The following EYS variants were observed in gnomAD, a reference collection of about 807,000 sequenced individuals.
EYS encodes the protein protein eyes shut homolog.
In EYS, 250 loss-of-function variants were observed where a neutral mutation model predicts 282.1. That is an observed-to-expected ratio of 0.89 (90% CI 0.80 to 0.98). The LOEUF (loss-of-function observed/expected upper bound fraction) is 0.98, where lower values mean the gene tolerates loss of function less well. Among genes scored for constraint, EYS ranks in the 50% least tolerant of loss-of-function variants. EYS has a pLI of 0.00. For synonymous variants in EYS, 1,355 were observed against 1,282.9 expected (o/e 1.06, Z -1.20); for missense variants, 4,016 against 3,709.0 (o/e 1.08, Z -2.15).
intron 41 of EYS, chr6:63,742,091 C>A: frequency 1.5e-6 from 1 of 651,138 alleles, no homozygotes; most frequent in Non-Finnish European, 2.8e-6. Flanking sequence ...CTCTTTAACT[C>A]TTCACTTGTA....
At chr6:65,263,812 G>A (rs1029785056) in intron 12 of EYS, among the ~76,000 whole-genome samples, 11 of 151,140 alleles carry the variant, frequency 7.3e-5, no homozygotes, top group African/African-American at 1.7e-4. Flanking sequence ...GAGGCAGGAC[G>A]GTCACTTGAG....
intron 26 of EYS, among the ~76,000 whole-genome samples, chr6:64,567,526 A>G (rs1331255645): frequency 1.3e-5 from 2 of 152,328 alleles, no homozygotes; most frequent in East Asian, 1.9e-4. Flanking sequence ...GGAGAGTTAA[A>G]TAAGAAAATA....
chr6:64,655,325 A>AT (rs1320228783), intron 22 of EYS, among the ~76,000 whole-genome samples: 3 of 142,492 alleles, frequency 2.1e-5, no homozygotes, highest in African/African-American at 8.0e-5. Context: ...TAGGTTTCAT[A>AT]TTTTTAAAAT....
intron 31 of EYS, among the ~76,000 whole-genome samples, chr6:64,083,727 T>C (rs758088674): frequency 9.9e-5 from 15 of 152,124 alleles, no homozygotes; most frequent in Admixed American, 2.6e-4. Flanking sequence ...AAATAACAAA[T>C]AAGTTTTTTG....
intron 26 of EYS, among the ~76,000 whole-genome samples, chr6:64,476,153 T>C (rs1346315774): frequency 5.3e-5 from 8 of 152,220 alleles, no homozygotes; most frequent in Admixed American, 3.3e-4. Context: ...CAGGGAGCTT[T>C]TAATTAGCAA....
chr6:65,074,861 G>T (rs536566642), intron 12 of EYS, among the ~76,000 whole-genome samples: 9 of 152,090 alleles, frequency 5.9e-5, no homozygotes, highest in African/African-American at 1.9e-4. Flanking sequence ...AAGATGATGG[G>T]TGGGACCTCA....
chr6:65,542,880 G>C (rs942251314), intron 2 of EYS, among the ~76,000 whole-genome samples: 1 of 152,042 alleles, frequency 6.6e-6, no homozygotes, highest in Admixed American at 6.6e-5. Flanking sequence ...TATCTGCACT[G>C]TTACTTTGAT....
chr6:64,082,322 C>T (rs72876829), intron 31 of EYS, among the ~76,000 whole-genome samples: 2,263 of 151,978 alleles, frequency 0.015, 26 homozygotes, highest in Middle Eastern at 0.031. Flanking sequence ...AGTGTTTCAC[C>T]AGATTCTTTT....
At chr6:64,287,332 T>G (rs189043758) in intron 30 of EYS, among the ~76,000 whole-genome samples, 2 of 152,142 alleles carry the variant, frequency 1.3e-5, no homozygotes, top group African/African-American at 4.8e-5. Flanking sequence ...ACATATAAAG[T>G]TTTTATAAAA....
chr6:64,206,790 A>G lies in EYS; in HGVS notation c.6424+23802T>C, dbSNP rs142023651. ...TTAGAAGAAAGATTTTTTGATATGT[A>G]TTTGCTATAGTTTGAATGTTTCCTC... On this transcript the variant is annotated intron_variant, in intron 31 of 42. Coordinates refer to ENST00000503581, the MANE Select transcript of EYS (RefSeq NM_001142800.2). 4.5e-4 allele frequency among the ~76,000 whole-genome samples: 68 copies of G among 152,218 alleles called. 1 individual carries two copies. The East Asian group carries it at 0.012, about 28-fold the overall frequency.
At chr6:64,974,874 T>C (rs1315019787) in intron 14 of EYS, among the ~76,000 whole-genome samples, 1 of 151,854 alleles carries the variant, frequency 6.6e-6, no homozygotes, top group Non-Finnish European at 1.5e-5. Context: ...GGTAAGAATA[T>C]TACATTGAAT....
chr6:64,421,040 T>C (rs1463845716), intron 28 of EYS, among the ~76,000 whole-genome samples: 1 of 152,200 alleles, frequency 6.6e-6, no homozygotes, highest in East Asian at 1.9e-4. Flanking sequence ...CTCTCTGTGG[T>C]ACCAATATAC....
intron 12 of EYS, among the ~76,000 whole-genome samples, chr6:65,183,713 T>G (rs1350094345): frequency 6.6e-6 from 1 of 151,904 alleles, no homozygotes; most frequent in African/African-American, 2.4e-5. Flanking sequence ...ATTTTATATT[T>G]TCTATTTTTG....
chr6:64,791,912 T>C (rs944678177), intron 22 of EYS, among the ~76,000 whole-genome samples: 16 of 152,034 alleles, frequency 1.1e-4, no homozygotes, highest in African/African-American at 3.6e-4. Context: ...TTTAATATAC[T>C]TTTCATAGAA....
At chr6:65,454,783 C>T (rs1764540241) in intron 5 of EYS, among the ~76,000 whole-genome samples, 1 of 151,818 alleles carries the variant, frequency 6.6e-6, no homozygotes, top group South Asian at 2.1e-4. Context: ...AATGTGTGTT[C>T]TTCTTACCTT....
chr6:64,961,654 G>A (rs1344755885), intron 14 of EYS, among the ~76,000 whole-genome samples: 1 of 151,990 alleles, frequency 6.6e-6, no homozygotes, highest in Non-Finnish European at 1.5e-5. Flanking sequence ...TAAGTCCAGA[G>A]GGAATTTATA....
intron 12 of EYS, among the ~76,000 whole-genome samples, chr6:65,087,977 T>G (rs1257282992): frequency 2.0e-5 from 3 of 152,098 alleles, no homozygotes; most frequent in Non-Finnish European, 2.9e-5. Context: ...TGAGATCTGA[T>G]GGTTTTATAA....
At chr6:64,656,675 A>C (rs1232667662) in intron 22 of EYS, among the ~76,000 whole-genome samples, 3 of 152,174 alleles carry the variant, frequency 2.0e-5, no homozygotes, top group Admixed American at 1.3e-4. Flanking sequence ...TGATAGACTA[A>C]GAAAGCTAAG....
chr6:63,800,950 G>A (rs1353131893), intron 37 of EYS, among the ~76,000 whole-genome samples: 1 of 152,204 alleles, frequency 6.6e-6, no homozygotes, highest in African/African-American at 2.4e-5. Flanking sequence ...AGAAGTGGGG[G>A]ACACAGTCAC....
Sources: allele counts gnomAD v4.1 joint callset (sites outside exome capture counted in the v4.1 genomes callset), GRCh38; gene constraint gnomAD v4.1.1; transcripts MANE v1.5; gene names NCBI Gene and HGNC (gene_info 2026-07-23, HGNC 2026-07-21).